The following LMNTD1 variants were observed in gnomAD, a reference collection of about 807,000 sequenced individuals.
LMNTD1 encodes the protein lamin tail domain containing 1.
Under a neutral mutation model 50.9 loss-of-function variants are expected in LMNTD1, and 35 were observed. The observed-to-expected ratio is 0.69, with a 90% CI of 0.53 to 0.91. LMNTD1 has a LOEUF of 0.91. Ranked by LOEUF, LMNTD1 falls within the 40% of genes least tolerant of loss-of-function variation. LMNTD1 has a pLI of 0.00. For missense variants in LMNTD1, 470 were observed against 475.5 expected (o/e 0.99, Z 0.11); for synonymous variants, 153 against 161.9 (o/e 0.94, Z 0.42).
rs557633637 is a variant in LMNTD1 at position 25,604,901 on chromosome 12, C to T, written c.58+43593G>A. On this transcript the variant is annotated intron_variant, in intron 1 of 7. Coordinates refer to the LMNTD1 transcript ENST00000445693. ...CTGGGTCAAATGGTATTTCTAGTTCCAGATCCCTGAGGAATCACCACACTG... is the reference window on the plus strand; with the variant it reads ...CTGGGTCAAATGGTATTTCTAGTTCTAGATCCCTGAGGAATCACCACACTG... Among the ~76,000 whole-genome samples, 556 of 152,136 alleles carry T rather than the reference C, an allele frequency of 3.7e-3. 2 individuals are homozygous for T. The highest frequency in any genetic ancestry group is 0.013 in the African/African-American group (532 of 41,512).
At chr12:25,535,531 T>C (rs918525305) in intron 4 of LMNTD1, among the ~76,000 whole-genome samples, 2 of 151,824 alleles carry the variant, frequency 1.3e-5, no homozygotes, top group African/African-American at 4.8e-5. Flanking sequence ...TAATCAAATC[T>C]CCCAAAAATA....
chr12:25,552,804 G>A (rs1943844978), intron 2 of LMNTD1, 67 bp downstream of exon 2: 4 of 929,438 alleles, frequency 4.3e-6, no homozygotes, highest in Non-Finnish European at 6.8e-6. Context: ...AAGAGGTCAA[G>A]CATGCCATCA....
intron 9 of LMNTD1, among the ~76,000 whole-genome samples, chr12:25,479,065 G>C (rs1480572550): frequency 6.6e-6 from 1 of 152,132 alleles, no homozygotes; most frequent in Non-Finnish European, 1.5e-5. Context: ...CTGTTGTGGA[G>C]TAGTAAACTG....
intron 9 of LMNTD1, among the ~76,000 whole-genome samples, chr12:25,500,175 T>C (rs1429558531): frequency 6.6e-6 from 1 of 152,168 alleles, no homozygotes; most frequent in African/African-American, 2.4e-5. Flanking sequence ...TGAAGGAATA[T>C]GCCACAAAGT....
chr12:25,479,394 G>A (rs1938371388), intron 9 of LMNTD1, among the ~76,000 whole-genome samples: 1 of 152,186 alleles, frequency 6.6e-6, no homozygotes, highest in Admixed American at 6.5e-5. Context: ...GGGAGAAACA[G>A]TACCATATAT....
At chr12:25,575,219 A>T (rs1040964706) in intron 1 of LMNTD1, among the ~76,000 whole-genome samples, 2 of 152,130 alleles carry the variant, frequency 1.3e-5, no homozygotes, top group Admixed American at 6.6e-5. Context: ...ACCCCAAGGG[A>T]TTTTTATTTC....
intron 1 of LMNTD1, among the ~76,000 whole-genome samples, chr12:25,601,588 A>G (rs1278194956): frequency 2.0e-5 from 3 of 151,896 alleles, no homozygotes; most frequent in East Asian, 1.9e-4. Context: ...AAATATATGT[A>G]CCTACCTACT....
At chr12:25,489,167 T>C (rs946137740) in intron 9 of LMNTD1, among the ~76,000 whole-genome samples, 1 of 152,042 alleles carries the variant, frequency 6.6e-6, no homozygotes, top group South Asian at 2.1e-4. Flanking sequence ...CAGTTCGAGC[T>C]TCCCGGCTGC....
intron 8 of LMNTD1, 58 bp from the exon 9 acceptor site, chr12:25,503,858 A>T: frequency 1.2e-6 from 1 of 845,616 alleles, no homozygotes; most frequent in Non-Finnish European, 1.9e-6. Flanking sequence ...GAAGGGCAAG[A>T]GTTCAGTCCA....
At chr12:25,479,855 A>C (rs890485788) in intron 9 of LMNTD1, among the ~76,000 whole-genome samples, 4 of 152,292 alleles carry the variant, frequency 2.6e-5, no homozygotes, top group African/African-American at 9.6e-5. Flanking sequence ...TGCCATATCA[A>C]GGGCTCAATG....
At chr12:25,484,554 G>A (rs921190449) in intron 9 of LMNTD1, among the ~76,000 whole-genome samples, 2 of 151,464 alleles carry the variant, frequency 1.3e-5, no homozygotes, top group Non-Finnish European at 2.9e-5. Context: ...TGCACATTGT[G>A]CAGGTTAGTT....
In LMNTD1 at chr12:25,572,061, C is replaced by T. The variant is rs11048115; in HGVS notation, c.59-25507G>A. 0.027 allele frequency among the ~76,000 whole-genome samples: 4,089 copies of T among 152,218 alleles called. 418 individuals carry two copies. In the East Asian group the frequency reaches 0.37, roughly 14 times the overall value. On this transcript the variant is annotated intron_variant, in intron 1 of 7. Coordinates refer to the LMNTD1 transcript ENST00000445693. The stretch of plus-strand genomic sequence containing the variant: ...CTCCCCTAGGTTTTGGAGCCAGATA[C>T]GTTTCAGTGCAAATCAGGGATCCTC...
At chr12:25,611,103 G>A (rs942266869) in intron 1 of LMNTD1, among the ~76,000 whole-genome samples, 4 of 152,148 alleles carry the variant, frequency 2.6e-5, no homozygotes, top group Admixed American at 2.0e-4. Flanking sequence ...GGACGTCAAG[G>A]GAAGGACAAA....
intron 1 of LMNTD1, among the ~76,000 whole-genome samples, chr12:25,634,163 T>A (rs1039363962): frequency 6.6e-6 from 1 of 151,910 alleles, no homozygotes; most frequent in Non-Finnish European, 1.5e-5. Flanking sequence ...AGACCAATAA[T>A]AAGAAGTGAG....
At chr12:25,501,127 C>A (rs1591832501) in intron 9 of LMNTD1, among the ~76,000 whole-genome samples, 1 of 152,162 alleles carries the variant, frequency 6.6e-6, no homozygotes, top group South Asian at 2.1e-4. Context: ...GTAGCTGGGA[C>A]TACAGGAATG....
At chr12:25,593,622 A>G (rs987803498) in intron 1 of LMNTD1, among the ~76,000 whole-genome samples, 1 of 152,048 alleles carries the variant, frequency 6.6e-6, no homozygotes, top group African/African-American at 2.4e-5. Context: ...CAGAAAACCA[A>G]CTCTGGTAAT....
chr12:25,603,264 A>C (rs1383038027), intron 1 of LMNTD1, among the ~76,000 whole-genome samples: 1 of 152,076 alleles, frequency 6.6e-6, no homozygotes, highest in African/African-American at 2.4e-5. Flanking sequence ...TCTCAATAGG[A>C]ATATTGCAAA....
intron 9 of LMNTD1, among the ~76,000 whole-genome samples, chr12:25,499,605 A>G (rs557419893): frequency 6.6e-6 from 1 of 152,262 alleles, no homozygotes; most frequent in South Asian, 2.1e-4. Context: ...TTACTGACCC[A>G]TTTTTAAATG....
chr12:25,583,343 A>AT (rs1945387660), intron 1 of LMNTD1, among the ~76,000 whole-genome samples: 1 of 60,558 alleles, frequency 1.7e-5, no homozygotes, highest in Non-Finnish European at 5.7e-5. Context: ...GTTTTTAAAA[A>AT]ATTTTAGTAG....
Sources: gnomAD v4.1 joint callset for allele counts (sites outside exome capture counted in the v4.1 genomes callset) on GRCh38, gnomAD v4.1.1 for gene constraint, MANE v1.5 for transcripts, NCBI Gene and HGNC (gene_info 2026-07-23, HGNC 2026-07-21) for gene names.